The following NRIP1 variants were observed in gnomAD, a reference collection of about 807,000 sequenced individuals.
The protein encoded by NRIP1 is nuclear receptor-interacting protein 1.
NRIP1 carries 28 observed loss-of-function variants against 75.0 expected under a neutral mutation model. The observed-to-expected ratio is 0.37, with a 90% CI of 0.28 to 0.51. NRIP1 has a LOEUF of 0.51. Among genes scored for constraint, NRIP1 ranks in the 20% least tolerant of loss-of-function variants. The pLI is 0.92. For synonymous variants in NRIP1, 526 were observed against 487.6 expected (o/e 1.08, Z -1.04); for missense variants, 1,435 against 1,343.7 (o/e 1.07, Z -1.06).
intron 2 of NRIP1, among the ~76,000 whole-genome samples, chr21:15,041,215 T>C (rs2088945772): frequency 6.6e-6 from 1 of 152,070 alleles, no homozygotes; most frequent in Non-Finnish European, 1.5e-5. Context: ...ACAGACATAA[T>C]GTTGATAAAA....
intron 3 of NRIP1, among the ~76,000 whole-genome samples, chr21:15,012,754 T>C (rs1231380446): frequency 6.6e-6 from 1 of 151,066 alleles, no homozygotes; most frequent in African/African-American, 2.4e-5. Context: ...CCTGGCTGTC[T>C]TTTTTTTTAA....
rs1568937990 is a variant in NRIP1, at chr21:14,966,129, AC to A, written c.2063del (p.Ser688IlefsTer16). On this transcript the variant is annotated frameshift_variant, in exon 4 of 4. Coordinates refer to ENST00000318948, the MANE Select transcript of NRIP1 (RefSeq NM_003489.4). LOFTEE classifies it high-confidence loss of function. The part of the protein sequence containing the change: ...TNAVEENKAF[S>X]SQPTGPEPGL... ...CTGGTTCAGGACCTGTTGGTTGACT[AC>A]TAAATGCTTTATTTTCTTCAACTGC... 6.2e-7 allele frequency: 1 copy of A among 1,612,790 alleles called. No individual in the cohort carries two copies. Among genetic ancestry groups the A allele is most frequent in the Admixed American group, 1.7e-5 (1 of 59,950 alleles).
intron 3 of NRIP1, among the ~76,000 whole-genome samples, chr21:14,975,879 A>G (rs1035977167): frequency 2.0e-5 from 3 of 152,156 alleles, no homozygotes; most frequent in South Asian, 2.1e-4. Flanking sequence ...AAATAAGATC[A>G]CTAAGATTCC....
intron 1 of NRIP1, among the ~76,000 whole-genome samples, chr21:15,052,888 T>C (rs2089232986): frequency 6.6e-6 from 1 of 152,182 alleles, no homozygotes; most frequent in South Asian, 2.1e-4. Flanking sequence ...CCACTCTCAC[T>C]GTGACACATA....
chr21:14,979,534 T>TA (rs1276816725), intron 3 of NRIP1, among the ~76,000 whole-genome samples: 4 of 152,184 alleles, frequency 2.6e-5, no homozygotes, highest in Non-Finnish European at 5.9e-5. Context: ...TTAGTACACT[T>TA]AGACACTCTG....
chr21:14,995,701 A>G (rs1279900645), intron 3 of NRIP1, among the ~76,000 whole-genome samples: 1 of 152,200 alleles, frequency 6.6e-6, no homozygotes, highest in Non-Finnish European at 1.5e-5. Context: ...ACTGGTGATT[A>G]GAGAGACTAT....
intron 3 of NRIP1, among the ~76,000 whole-genome samples, 195 bp downstream of exon 3, chr21:15,014,149 T>C (rs1389849198): frequency 1.3e-5 from 2 of 152,252 alleles, no homozygotes; most frequent in African/African-American, 4.8e-5. Flanking sequence ...ATTCTTTCCA[T>C]ATAAGTTCCT....
Position 14,966,254 on chromosome 21 carries a change from C to G in NRIP1, c.1939G>C (p.Glu647Gln). The change falls in exon 4 of 4, where the codon GAG becomes CAG. Residue 647 changes from glutamate (E) to glutamine (Q), a missense_variant. Coordinates refer to ENST00000318948, the MANE Select transcript of NRIP1 (RefSeq NM_003489.4). ...CGMQSSMSVEEQRPSKQLLTG... is the reference protein window; with the variant it reads ...CGMQSSMSVEQQRPSKQLLTG... The stretch of plus-strand genomic sequence containing the variant: ...AACAGCTGTTTGCTGGGTCTCTGCT[C>G]TTCCACTGACATGGATGACTGCATT... 7 of 1,614,086 alleles carry G rather than the reference C, an allele frequency of 4.3e-6. No homozygotes were observed. Among genetic ancestry groups the G allele is most frequent in the Non-Finnish European group, 3.4e-6 (4 of 1,179,984 alleles).
At chr21:14,983,373 T>A (rs1015217670) in intron 3 of NRIP1, among the ~76,000 whole-genome samples, 18 of 152,102 alleles carry the variant, frequency 1.2e-4, no homozygotes, top group African/African-American at 4.3e-4. Context: ...CAAAGCCTAA[T>A]CCAGAGCAAG....
intron 2 of NRIP1, among the ~76,000 whole-genome samples, chr21:15,024,567 A>AGTGTGT (rs60376904): frequency 0.16 from 23,747 of 145,488 alleles, 2,113 homozygotes; most frequent in East Asian, 0.28. Flanking sequence ...TGGTATCCAG[A>AGTGTGT]GTGTGTGTGT....
At position 14,965,060 on chromosome 21, in the gene NRIP1, C is replaced by A. The variant is rs1164768361; in HGVS notation, c.3133G>T (p.Val1045Phe). ...TCATTCTTCTCCGCATCAGTGATAACCCACTTAATGGGTCCTTTCTCACTG... is the reference window on the plus strand; with the variant it reads ...TCATTCTTCTCCGCATCAGTGATAAACCACTTAATGGGTCCTTTCTCACTG... The part of the protein sequence containing the change: ...MPSEKGPIKW[V>F]ITDAEKNEYE... The change falls in exon 4 of 4, where the codon GTT becomes TTT. Residue 1045 changes from valine to phenylalanine, a missense_variant. Transcript: ENST00000318948. 6.2e-7 allele frequency: 1 copy of A among 1,613,860 alleles called. No individual in the cohort carries two copies. The highest frequency in any genetic ancestry group is 8.5e-7 in the Non-Finnish European group (1 of 1,179,912).
At chr21:15,031,027 A>ACACTCTGGAAGGCACTCAGAGGAT (rs1299663217) in intron 2 of NRIP1, among the ~76,000 whole-genome samples, 2 of 79,648 alleles carry the variant, frequency 2.5e-5, no homozygotes. Context: ...CTATGTGTAT[A>ACACTCTGGAAGGCACTCAGAGGAT]CTCTGGAAGG....
chr21:15,023,863 G>A (rs2088440249), intron 2 of NRIP1, among the ~76,000 whole-genome samples: 1 of 152,174 alleles, frequency 6.6e-6, no homozygotes, highest in Non-Finnish European at 1.5e-5. Context: ...TTGATTGCTG[G>A]AGAAGTAGAT....
rs75642189 is a variant in NRIP1 at position 14,974,573 on chromosome 21, A to C, written c.-334-6047T>G. On this transcript the variant is annotated intron_variant, in intron 3 of 3. Transcript: ENST00000318948. ...ACCTGCCTTAAGTATCTGTCCACTT[A>C]CGAACAGTGTCAAATAAATTTGGTG... Among the ~76,000 whole-genome samples, 320 of 152,314 alleles carry C rather than the reference A, an allele frequency of 2.1e-3. 2 individuals are homozygous for C. The highest frequency in any genetic ancestry group is 7.2e-3 in the African/African-American group (300 of 41,582).
chr21:14,968,650 T>C (rs1342478026), intron 3 of NRIP1, 124 bp from the exon 4 acceptor site: 1 of 153,362 alleles, frequency 6.5e-6, no homozygotes, highest in Non-Finnish European at 1.5e-5. Context: ...AATAGACATA[T>C]AAATGGATTA....
In NRIP1 at chr21:14,964,646, T is replaced by C. The variant is rs765920426; in HGVS notation, c.*70A>G. 1 of 1,155,392 alleles carries C rather than the reference T, an allele frequency of 8.7e-7. No homozygotes were observed. Among genetic ancestry groups the C allele is most frequent in the Non-Finnish European group, 1.2e-6 (1 of 842,658 alleles). 71.6% of individuals were successfully genotyped at this position (1,155,392 alleles called of 1,614,324 possible). ...CCATGCTTTTTTTCAAATCATGCTCTTATTTATACAGATCTCAAGTTCATA... is the reference window on the plus strand; with the variant it reads ...CCATGCTTTTTTTCAAATCATGCTCCTATTTATACAGATCTCAAGTTCATA... On this transcript the variant is annotated 3_prime_UTR_variant, in exon 4 of 4. Coordinates refer to ENST00000318948, the MANE Select transcript of NRIP1 (RefSeq NM_003489.4).
At chr21:15,016,456 A>G (rs1176827575) in intron 2 of NRIP1, among the ~76,000 whole-genome samples, 4 of 152,214 alleles carry the variant, frequency 2.6e-5, no homozygotes, top group Non-Finnish European at 4.4e-5. Context: ...TCTTCCCGTT[A>G]TCAACATTAT....
chr21:15,038,532 C>T (rs1220817064), intron 2 of NRIP1, among the ~76,000 whole-genome samples: 1 of 151,514 alleles, frequency 6.6e-6, no homozygotes, highest in Admixed American at 6.6e-5. Flanking sequence ...TTTTATTATC[C>T]AAATGAAAAA....
chr21:14,981,111 T>C (rs898467762), intron 3 of NRIP1, among the ~76,000 whole-genome samples: 1 of 152,106 alleles, frequency 6.6e-6, no homozygotes, highest in Non-Finnish European at 1.5e-5. Context: ...TCCTACAGGA[T>C]TAAGGAATCA....
Sources: gnomAD v4.1 joint callset for allele counts (sites outside exome capture counted in the v4.1 genomes callset) on GRCh38, gnomAD v4.1.1 for gene constraint, MANE v1.5 for transcripts, NCBI Gene and HGNC (gene_info 2026-07-23, HGNC 2026-07-21) for gene names.